SLIT1: variants seen among roughly 807,000 people sequenced by gnomAD.
The protein encoded by SLIT1 is slit homolog 1 protein.
A neutral mutation model predicts 186.1 loss-of-function variants in SLIT1; 66 were observed. The observed-to-expected ratio is 0.35, with a 90% CI of 0.29 to 0.44. The LOEUF (loss-of-function observed/expected upper bound fraction) is 0.44. Ranked by LOEUF, SLIT1 falls within the 20% of genes least tolerant of loss-of-function variation. The probability of loss-of-function intolerance (pLI) is 1.00; values close to 1 mark genes in which losing one functional copy is unlikely to be tolerated. For missense variants in SLIT1, 1,638 were observed against 2,037.4 expected (o/e 0.80, Z 3.77); for synonymous variants, 761 against 833.8 (o/e 0.91, Z 1.50).
In SLIT1 at chr10:97,013,729, G is replaced by T. The variant is rs780710872; in HGVS notation, c.3203+12C>A. Reference sequence around the variant, plus strand: ...GAGCTCCTCCCTGGCCCTGGAAAGGGGCAACACTCACCTGGGCCCATCCGG... The same window carrying T: ...GAGCTCCTCCCTGGCCCTGGAAAGGTGCAACACTCACCTGGGCCCATCCGG... On this transcript the variant is annotated intron_variant, in intron 30 of 36. Coordinates refer to ENST00000266058, the MANE Select transcript of SLIT1 (RefSeq NM_003061.3). 1.9e-6 allele frequency: 3 copies of T among 1,547,842 alleles called. No individual in the cohort carries two copies. In the East Asian group the frequency reaches 7.3e-5, roughly 38 times the overall value.
chr10:97,046,889 G>A, intron 17 of SLIT1, 92 bp from the exon 18 acceptor site: 7 of 1,575,974 alleles, frequency 4.4e-6, no homozygotes, highest in East Asian at 2.2e-5. Flanking sequence ...CACACACAGA[G>A]TCCTGGCCCC....
At chr10:97,053,358 A>G (rs1328733242) in intron 13 of SLIT1, among the ~76,000 whole-genome samples, 1 of 152,106 alleles carries the variant, frequency 6.6e-6, no homozygotes, top group Non-Finnish European at 1.5e-5. Context: ...AGGTTTCCCC[A>G]TGGGGCTTCC....
chr10:97,049,413 C>G (rs556921649), intron 13 of SLIT1, among the ~76,000 whole-genome samples: 2 of 152,358 alleles, frequency 1.3e-5, no homozygotes, highest in East Asian at 3.9e-4. Flanking sequence ...TCACCTTTCC[C>G]TCTCTCTGCC....
chr10:97,055,529 T>C lies in SLIT1; in HGVS notation c.1301+792A>G, dbSNP rs563552202. Among the ~76,000 whole-genome samples the C allele has an allele frequency of 8.6e-4, 131 of 151,848 alleles. 1 individual carries two copies. The highest frequency in any genetic ancestry group is 3.1e-3 in the African/African-American group (127 of 41,378). ...GGTATGTGCCATCATACCTGGCTAC[T>C]TTTTAAAAAAAAATTTCTTGTGGAG... On this transcript the variant is annotated intron_variant, in intron 13 of 36. Transcript: ENST00000266058.
intron 4 of SLIT1, among the ~76,000 whole-genome samples, chr10:97,107,788 A>G (rs981330275): frequency 1.3e-5 from 2 of 151,916 alleles, no homozygotes; most frequent in Non-Finnish European, 2.9e-5. Context: ...GAACCAACCC[A>G]TGGGGCCAGC....
intron 26 of SLIT1, among the ~76,000 whole-genome samples, chr10:97,019,611 G>A (rs1848485578): frequency 6.6e-6 from 1 of 152,186 alleles, no homozygotes; most frequent in African/African-American, 2.4e-5. Flanking sequence ...GGCCACACCA[G>A]GGAGCAGGGG....
chr10:97,160,807 G>A (rs1291851783), intron 3 of SLIT1, among the ~76,000 whole-genome samples: 2 of 152,072 alleles, frequency 1.3e-5, no homozygotes, highest in African/African-American at 2.4e-5. Context: ...CGCAACCTCC[G>A]CCTCCCGGGT....
In SLIT1 at chr10:97,094,336, T is replaced by C. The variant is rs186750069; in HGVS notation, c.414-28250A>G. Among the ~76,000 whole-genome samples, 12 of 152,336 alleles carry C rather than the reference T, an allele frequency of 7.9e-5. No homozygotes were observed. The East Asian group carries it at 1.9e-3, about 24-fold the overall frequency. The stretch of plus-strand genomic sequence containing the variant: ...GAAATTGTCTAAATAAATGTGCAAA[T>C]CTACATCTATAATGAGAATGGTGTC... On this transcript the variant is annotated intron_variant, in intron 4 of 36. Coordinates refer to ENST00000266058, the MANE Select transcript of SLIT1 (RefSeq NM_003061.3).
At chr10:97,060,029 A>T in intron 10 of SLIT1, 58 bp downstream of exon 10, 1 of 1,443,840 alleles carries the variant, frequency 6.9e-7, no homozygotes, top group Admixed American at 1.7e-5. Context: ...CTGTGGGACC[A>T]CCCAGGATCT....
chr10:97,001,431 G>A lies in SLIT1; in HGVS notation c.4367-81C>T, dbSNP rs943053544. ...TGCCTCCAGGGAGGCAGGAGGAAGA[G>A]GAGGAGGAGGGCAGCATCTGTGGGG... On this transcript the variant is annotated intron_variant, in intron 36 of 36. Transcript: ENST00000266058. The A allele has an allele frequency of 2.0e-5, 21 of 1,033,004 alleles. No individual in the cohort carries two copies. The South Asian group carries it at 3.1e-4, about 15-fold the overall frequency. The allele number at this position is 1,033,004 out of a possible 1,614,324, so 64.0% of individuals were successfully genotyped here.
intron 4 of SLIT1, among the ~76,000 whole-genome samples, chr10:97,097,621 T>C (rs1210318974): frequency 1.3e-5 from 2 of 152,178 alleles, no homozygotes; most frequent in Non-Finnish European, 2.9e-5. Flanking sequence ...AAGCAAACAA[T>C]CTAAAACTTT....
intron 4 of SLIT1, among the ~76,000 whole-genome samples, chr10:97,123,618 C>T (rs916210876): frequency 2.0e-5 from 3 of 151,936 alleles, no homozygotes; most frequent in Non-Finnish European, 2.9e-5. Flanking sequence ...GTCAAAACAC[C>T]GTCTCTACTA....
At chr10:97,157,165 T>C (rs1216703707) in intron 4 of SLIT1, among the ~76,000 whole-genome samples, 2 of 152,174 alleles carry the variant, frequency 1.3e-5, no homozygotes, top group Admixed American at 6.5e-5. Flanking sequence ...TGTGGGACCA[T>C]ATGCTAAGGA....
chr10:97,157,606 T>C (rs1849968386), intron 4 of SLIT1: 2 of 571,566 alleles, frequency 3.5e-6, no homozygotes, highest in South Asian at 2.5e-5. Context: ...AACTGCGGGT[T>C]CTTCCAAGTG....
chr10:97,077,288 G>T (rs1398252732), intron 4 of SLIT1, among the ~76,000 whole-genome samples: 1 of 151,922 alleles, frequency 6.6e-6, no homozygotes, highest in Admixed American at 6.6e-5. Context: ...AATCACACAG[G>T]ACAGGATAGA....
Position 97,002,006 on chromosome 10 carries a change from G to A in SLIT1, c.4366+152C>T, listed in dbSNP as rs906758833. 1.1e-4 allele frequency: 55 copies of A among 482,708 alleles called. No homozygotes were observed. The East Asian group carries it at 1.8e-3, about 16-fold the overall frequency. The allele number at this position is 482,708 out of a possible 1,614,324, so 29.9% of individuals were successfully genotyped here. On this transcript the variant is annotated intron_variant, in intron 36 of 36. Transcript: ENST00000266058. ...CAGGAGAGATTGGGAGCAGTGCCCAGAGGGTGGAGGGACTCTGAAAGCCCC... is the reference window on the plus strand; with the variant it reads ...CAGGAGAGATTGGGAGCAGTGCCCAAAGGGTGGAGGGACTCTGAAAGCCCC...
At chr10:97,078,449 C>A (rs1239121342) in intron 4 of SLIT1, among the ~76,000 whole-genome samples, 1 of 152,192 alleles carries the variant, frequency 6.6e-6, no homozygotes, top group Non-Finnish European at 1.5e-5. Context: ...CATAAAAGCA[C>A]CCAGGGTAAC....
intron 28 of SLIT1, among the ~76,000 whole-genome samples, chr10:97,015,689 TA>T (rs1186600311): frequency 3.3e-5 from 5 of 152,238 alleles, no homozygotes; most frequent in Non-Finnish European, 7.3e-5. Context: ...CTTCTATGTG[TA>T]ATAATTTTCA....
chr10:97,023,047 C>T (rs1282039033), intron 25 of SLIT1, among the ~76,000 whole-genome samples: 2 of 151,726 alleles, frequency 1.3e-5, no homozygotes, highest in East Asian at 1.9e-4. Flanking sequence ...AATACTCATA[C>T]GTGCCTCTTT....
Sources: allele counts gnomAD v4.1 joint callset (sites outside exome capture counted in the v4.1 genomes callset), GRCh38; gene constraint gnomAD v4.1.1; transcripts MANE v1.5; gene names NCBI Gene and HGNC (gene_info 2026-07-23, HGNC 2026-07-21).